ZNF804B: variants seen among roughly 807,000 people sequenced by gnomAD.
ZNF804B encodes zinc finger 804B.
In ZNF804B, 80 loss-of-function variants were observed where a neutral mutation model predicts 101.4. That is an observed-to-expected ratio of 0.79 (90% CI 0.66 to 0.95). The LOEUF is 0.95. ZNF804B is among the 40% of genes least tolerant of loss of function. The pLI is 0.00. For synonymous variants in ZNF804B, 622 were observed against 558.8 expected (o/e 1.11, Z -1.59); for missense variants, 1,673 against 1,561.9 (o/e 1.07, Z -1.20).
chr7:89,257,097 G>T (rs1789642341), intron 2 of ZNF804B, among the ~76,000 whole-genome samples: 2 of 152,094 alleles, frequency 1.3e-5, no homozygotes, highest in South Asian at 4.1e-4. Context: ...GCTCATTAAA[G>T]AACAAATTTT....
intron 2 of ZNF804B, among the ~76,000 whole-genome samples, chr7:89,321,151 G>T (rs1790813317): frequency 6.6e-6 from 1 of 150,928 alleles, no homozygotes; most frequent in South Asian, 2.1e-4. Context: ...TATTTTAAAT[G>T]GATCATATTA....
At chr7:89,255,196 T>TGCCA (rs1789608210) in intron 2 of ZNF804B, among the ~76,000 whole-genome samples, 1 of 152,020 alleles carries the variant, frequency 6.6e-6, no homozygotes, top group African/African-American at 2.4e-5. Context: ...GCAGGGGAAA[T>TGCCA]GCCAGACGCT....
At chr7:88,806,904 C>G (rs1790700576) in intron 1 of ZNF804B, among the ~76,000 whole-genome samples, 1 of 151,956 alleles carries the variant, frequency 6.6e-6, no homozygotes, top group Admixed American at 6.6e-5. Context: ...GCTAGTTTTA[C>G]ATTTTTTATA....
intron 1 of ZNF804B, among the ~76,000 whole-genome samples, chr7:89,007,848 A>T (rs1163737860): frequency 6.6e-6 from 1 of 151,590 alleles, no homozygotes; most frequent in African/African-American, 2.4e-5. Flanking sequence ...TAAAGAACAT[A>T]GGCTTCCATT....
chr7:89,309,759 CAAAAAAAAAAAA>C (rs397791531), intron 2 of ZNF804B, among the ~76,000 whole-genome samples: 12 of 70,784 alleles, frequency 1.7e-4, no homozygotes, highest in African/African-American at 4.5e-4. Flanking sequence ...GACCCTGTCT[CAAAAAAAAAAAA>C]AAAAAAAAAA....
intron 2 of ZNF804B, among the ~76,000 whole-genome samples, chr7:89,306,901 T>C (rs1487402491): frequency 6.6e-6 from 1 of 151,996 alleles, no homozygotes; most frequent in Non-Finnish European, 1.5e-5. Context: ...AGATGTGTAA[T>C]GATAGGTGAG....
chr7:89,177,907 C>G (rs1447947051), intron 1 of ZNF804B, among the ~76,000 whole-genome samples: 2 of 151,530 alleles, frequency 1.3e-5, no homozygotes, highest in African/African-American at 2.4e-5. Flanking sequence ...TGCACTCCAG[C>G]CTGGGTGACA....
chr7:89,274,776 T>C (rs1245121111), intron 2 of ZNF804B, among the ~76,000 whole-genome samples: 1 of 151,866 alleles, frequency 6.6e-6, no homozygotes, highest in Non-Finnish European at 1.5e-5. Flanking sequence ...CATTTACTTA[T>C]TCAGGTTTCC....
At chr7:89,141,917 G>C (rs934278628) in intron 1 of ZNF804B, among the ~76,000 whole-genome samples, 1 of 150,224 alleles carries the variant, frequency 6.7e-6, no homozygotes. Flanking sequence ...AATAATAACT[G>C]TATTTCTCAA....
chr7:89,108,223 C>CT (rs68099837), intron 1 of ZNF804B, among the ~76,000 whole-genome samples: 81,223 of 140,272 alleles, frequency 0.58, 22,709 homozygotes, highest in East Asian at 0.78. Context: ...TAATTAGCTG[C>CT]TTTTTTTTTT....
intron 1 of ZNF804B, among the ~76,000 whole-genome samples, chr7:89,029,035 G>C (rs571379558): frequency 3.9e-5 from 6 of 152,250 alleles, no homozygotes; most frequent in African/African-American, 1.4e-4. Flanking sequence ...CATAGAACCA[G>C]CACACATAAG....
intron 1 of ZNF804B, among the ~76,000 whole-genome samples, chr7:89,083,129 A>T (rs972940544): frequency 3.3e-5 from 5 of 151,812 alleles, no homozygotes; most frequent in Admixed American, 6.6e-5. Flanking sequence ...TCCCCTTTAC[A>T]GCAAAGAAGA....
At chr7:88,991,118 C>G (rs1793838733) in intron 1 of ZNF804B, among the ~76,000 whole-genome samples, 1 of 152,102 alleles carries the variant, frequency 6.6e-6, no homozygotes, top group Admixed American at 6.6e-5. Flanking sequence ...TGTAGTCATT[C>G]TACTACTTTT....
chr7:88,914,655 G>A (rs1383709151), intron 1 of ZNF804B, among the ~76,000 whole-genome samples: 1 of 151,914 alleles, frequency 6.6e-6, no homozygotes, highest in Non-Finnish European at 1.5e-5. Flanking sequence ...CAATAATTAT[G>A]TTTTACAATT....
At chr7:89,135,811 C>T (rs1281991403) in intron 1 of ZNF804B, among the ~76,000 whole-genome samples, 4 of 132,090 alleles carry the variant, frequency 3.0e-5, no homozygotes, top group Admixed American at 8.0e-5. Context: ...ACAGGAAATG[C>T]GAATAGGCCT....
chr7:89,276,937 T>C (rs969145310), intron 2 of ZNF804B, among the ~76,000 whole-genome samples: 1 of 151,532 alleles, frequency 6.6e-6, no homozygotes, highest in Non-Finnish European at 1.5e-5. Context: ...TTCTGAAAAA[T>C]ATTATGTCTG....
In ZNF804B at chr7:89,148,380, A is replaced by T. The variant is rs1251736884; in HGVS notation, c.109-69775A>T. ...TATGGTATAACTGTGGCTTCCAGAT[A>T]CTTGTAGCATACAGATAGCAAATAA... On this transcript the variant is annotated intron_variant, in intron 1 of 3. Transcript: ENST00000333190. Among the ~76,000 whole-genome samples the T allele has an allele frequency of 7.2e-5, 11 of 152,152 alleles. No individual in the cohort carries two copies. The South Asian group carries it at 8.3e-4, about 11-fold the overall frequency.
intron 2 of ZNF804B, among the ~76,000 whole-genome samples, chr7:89,283,824 T>C (rs1790135855): frequency 6.6e-6 from 1 of 152,146 alleles, no homozygotes; most frequent in South Asian, 2.1e-4. Context: ...TGGGGCCACT[T>C]ATACATAGAT....
rs1002915892 is a variant in ZNF804B at position 89,218,306 on chromosome 7, G to C, written c.249+11G>C. 3 of 1,613,156 alleles carry C rather than the reference G, an allele frequency of 1.9e-6. No individual in the cohort carries two copies. The highest frequency in any genetic ancestry group is 2.5e-6 in the Non-Finnish European group (3 of 1,179,530). On this transcript the variant is annotated intron_variant, in intron 2 of 3. Coordinates refer to ENST00000333190, the MANE Select transcript of ZNF804B (RefSeq NM_181646.5). ...CATGCTCATAAGCAGGTAAGGCAAA[G>C]TGGGAAAAGTCCTTCATATTCCTGT...
Sources: allele counts gnomAD v4.1 joint callset (sites outside exome capture counted in the v4.1 genomes callset), GRCh38; gene constraint gnomAD v4.1.1; transcripts MANE v1.5; gene names NCBI Gene and HGNC (gene_info 2026-07-23, HGNC 2026-07-21).